EFCAB3: variants seen among roughly 807,000 people sequenced by gnomAD.
EFCAB3 encodes EF-hand calcium-binding domain-containing protein 3.
EFCAB3 carries 36 observed loss-of-function variants against 42.2 expected under a neutral mutation model. That is an observed-to-expected ratio of 0.85 (90% CI 0.65 to 1.13). The LOEUF (loss-of-function observed/expected upper bound fraction) is 1.13. Among genes scored for constraint, EFCAB3 ranks in the 50% most tolerant of loss-of-function variants. EFCAB3 has a pLI of 0.00. For synonymous variants in EFCAB3, 170 were observed against 172.8 expected, an observed-to-expected ratio of 0.98 and a Z score of 0.13; for missense variants, 418 against 505.1, an observed-to-expected ratio of 0.83 and a Z score of 1.65.
rs1345018679 is a variant in EFCAB3, at chr17:62,412,097, C to T, written c.868-1635C>T. 7.9e-5 allele frequency among the ~76,000 whole-genome samples: 12 copies of T among 151,968 alleles called. No individual in the cohort carries two copies. In the East Asian group the frequency reaches 2.1e-3, roughly 27 times the overall value. ...GAGTAAATAAAAACACTTTCAAGGC[C>T]GGGCATGGTGGCTTACACCTGTAAT... On this transcript the variant is annotated intron_variant, in intron 8 of 9. Transcript: ENST00000305286.
chr17:62,384,645 T>A (rs1474740798), intron 2 of EFCAB3, among the ~76,000 whole-genome samples: 1 of 152,202 alleles, frequency 6.6e-6, no homozygotes. Context: ...TTACACTGCC[T>A]TGAATTCTAC....
intron 1 of EFCAB3, among the ~76,000 whole-genome samples, chr17:62,373,271 C>A (rs923411643): frequency 1.6e-5 from 2 of 126,866 alleles, no homozygotes; most frequent in Admixed American, 8.9e-5. Flanking sequence ...CAGAGTGAGA[C>A]CCTGCCTCAA....
chr17:62,413,574 G>A (rs1029755006), intron 8 of EFCAB3, among the ~76,000 whole-genome samples, 158 bp from the exon 9 acceptor site: 21 of 151,950 alleles, frequency 1.4e-4, no homozygotes, highest in Non-Finnish European at 2.9e-4. Context: ...TGAGGGACCC[G>A]GAAAAAAGTC....
upstream of EFCAB3, among the ~76,000 whole-genome samples, chr17:62,376,617 G>A (rs2070152726): frequency 1.3e-5 from 2 of 152,092 alleles, no homozygotes; most frequent in African/African-American, 2.4e-5. Flanking sequence ...TAATGGCAAT[G>A]GCATTTTTCA....
At chr17:62,382,882 G>T in intron 1 of EFCAB3, 81 bp from the exon 2 acceptor site, 1 of 1,236,844 alleles carries the variant, frequency 8.1e-7, no homozygotes, top group Non-Finnish European at 1.1e-6. Flanking sequence ...CAAACTCCAG[G>T]CTTTGAGCTG....
At chr17:62,398,325 G>A (rs370291772) in intron 6 of EFCAB3, among the ~76,000 whole-genome samples, 7 of 152,062 alleles carry the variant, frequency 4.6e-5, no homozygotes, top group African/African-American at 7.2e-5. Flanking sequence ...GCGGTGCTGC[G>A]CACCTGTAAT....
rs920651661 is a variant in EFCAB3, at chr17:62,416,069, C to T, written c.1057C>T (p.Leu353Phe). The T allele has an allele frequency of 5.6e-6, 9 of 1,613,846 alleles. No individual in the cohort carries two copies. Among genetic ancestry groups the T allele is most frequent in the African/African-American group, 1.3e-5 (1 of 74,916 alleles). The change falls in exon 10 of 10, where the codon CTC (leucine) becomes TTC (phenylalanine). Residue 353 changes from leucine to phenylalanine, a missense_variant. Coordinates refer to ENST00000305286, the MANE Select transcript of EFCAB3 (RefSeq NM_173503.4). ...TGAACACCGAAAAGAGATGCTAAAC[C>T]TCTGGCAGAAGATCCGAGGGGATTT... ...ALEHRKEMLNLWQKIRGDLIG... is the reference protein window; with the variant it reads ...ALEHRKEMLNFWQKIRGDLIG...
chr17:62,392,531 C>T (rs1005546732), intron 4 of EFCAB3, among the ~76,000 whole-genome samples: 2 of 152,118 alleles, frequency 1.3e-5, no homozygotes, highest in African/African-American at 4.8e-5. Flanking sequence ...CCTTTTGTTT[C>T]TGTTTGAATC....
At chr17:62,400,698 T>G (rs775444753) in intron 6 of EFCAB3, among the ~76,000 whole-genome samples, 4 of 152,338 alleles carry the variant, frequency 2.6e-5, no homozygotes, top group Non-Finnish European at 5.9e-5. Context: ...TACATGTGCA[T>G]GTGTCTCTAT....
chr17:62,372,813 G>A (rs920220593), intron 1 of EFCAB3, among the ~76,000 whole-genome samples: 27 of 152,008 alleles, frequency 1.8e-4, no homozygotes, highest in African/African-American at 5.3e-4. Flanking sequence ...CAAAACCCAC[G>A]GCAACATAGC....
At chr17:62,376,099 G>T (rs991673207), upstream of EFCAB3, among the ~76,000 whole-genome samples, 1 of 152,174 alleles carries the variant, frequency 6.6e-6, no homozygotes, top group Admixed American at 6.5e-5. Context: ...ATGTTTTAAA[G>T]TATGTTTCAT....
At position 62,387,324 on chromosome 17, in the gene EFCAB3, T is replaced by G; in HGVS notation, c.75-16T>G. On this transcript the variant is annotated splice_polypyrimidine_tract_variant and intron_variant, in intron 2 of 9. Transcript: ENST00000305286. ...ACATAGGTAGTAAATCTAAATATTT[T>G]CACATCTTTCCTCAGGGATAGAGAC... The G allele has an allele frequency of 5.0e-6, 8 of 1,594,396 alleles. No homozygotes were observed. The highest frequency in any genetic ancestry group is 6.9e-6 in the Non-Finnish European group (8 of 1,166,274).
At position 62,413,036 on chromosome 17, in the gene EFCAB3, A is replaced by T. The variant is rs543189929; in HGVS notation, c.868-696A>T. Among the ~76,000 whole-genome samples the T allele has an allele frequency of 6.6e-5, 10 of 152,324 alleles. No homozygotes were observed. In the South Asian group the frequency reaches 2.1e-3, roughly 32 times the overall value. ...TAAATGGAGGGTCAGAGAGAAAGAA[A>T]AAGAAAAGAAACCTTAAACATACTG... On this transcript the variant is annotated intron_variant, in intron 8 of 9. Transcript: ENST00000305286.
intron 4 of EFCAB3, among the ~76,000 whole-genome samples, 188 bp from the exon 5 acceptor site, chr17:62,393,385 G>A (rs190047756): frequency 6.6e-6 from 1 of 152,292 alleles, no homozygotes; most frequent in East Asian, 1.9e-4. Flanking sequence ...GTGGGCTGTG[G>A]AGGACTGATG....
At chr17:62,401,854 C>T (rs1033391228) in intron 6 of EFCAB3, among the ~76,000 whole-genome samples, 9 of 152,140 alleles carry the variant, frequency 5.9e-5, no homozygotes, top group Non-Finnish European at 4.4e-5. Context: ...ATGGGGATGG[C>T]ATTGAATCTA....
rs988142441 is a variant in EFCAB3, at chr17:62,413,601, T to C, written c.868-131T>C. On this transcript the variant is annotated intron_variant, in intron 8 of 9. Coordinates refer to ENST00000305286, the MANE Select transcript of EFCAB3 (RefSeq NM_173503.4). The stretch of plus-strand genomic sequence containing the variant: ...AAAAAAGTCTAAACAAACAAACAAA[T>C]GGTTTGGCAATAACCTTATAAATTA... The C allele has an allele frequency of 1.0e-5, 9 of 903,804 alleles. No homozygotes were observed. The African/African-American group carries it at 1.5e-4, about 15-fold the overall frequency. 56.0% of individuals were successfully genotyped at this position (903,804 alleles called of 1,614,324 possible). A position where few individuals can be genotyped will look rare whatever the true frequency, so the allele number is the denominator to read the frequency against.
chr17:62,406,936 T>C (rs2070453073), intron 7 of EFCAB3, 92 bp from the exon 8 acceptor site: 9 of 1,354,372 alleles, frequency 6.6e-6, no homozygotes, highest in South Asian at 5.9e-5. Context: ...CTGAGAAGAA[T>C]AGACAAAGCA....
chr17:62,378,036 T>C, upstream of EFCAB3: 1 of 1,544,178 alleles, frequency 6.5e-7, no homozygotes, highest in Non-Finnish European at 8.7e-7. Flanking sequence ...TGAAAGCTGA[T>C]GTGAAGCCAT....
chr17:62,414,459 T>G (rs753632144), intron 9 of EFCAB3, among the ~76,000 whole-genome samples: 2 of 152,170 alleles, frequency 1.3e-5, no homozygotes, highest in Non-Finnish European at 2.9e-5. Flanking sequence ...GATGACTATT[T>G]CTACCTCTAC....
Sources: allele counts gnomAD v4.1 joint callset (sites outside exome capture counted in the v4.1 genomes callset), GRCh38; gene constraint gnomAD v4.1.1; transcripts MANE v1.5; gene names NCBI Gene and HGNC (gene_info 2026-07-23, HGNC 2026-07-21).